The following ZNF529 variants were observed in gnomAD, a reference collection of about 807,000 sequenced individuals.
ZNF529 encodes the protein zinc finger protein 529.
A neutral mutation model predicts 10.1 loss-of-function variants in ZNF529; 11 were observed. The ratio of observed to expected loss-of-function variants is 1.09; its 90% CI spans 0.69 to 1.81. The LOEUF (loss-of-function observed/expected upper bound fraction) is 1.81, where lower values mean the gene tolerates loss of function less well. Ranked by LOEUF, ZNF529 falls within the 40% of genes most tolerant of loss-of-function variation. The probability of loss-of-function intolerance (pLI) is 0.00; values close to 1 mark genes in which losing one functional copy is unlikely to be tolerated. For missense variants in ZNF529, 624 were observed against 666.8 expected (o/e 0.94, Z 0.71); for synonymous variants, 204 against 215.7 (o/e 0.95, Z 0.47).
At chr19:36,575,423 C>T (rs2036291508), upstream of ZNF529, among the ~76,000 whole-genome samples, 1 of 152,140 alleles carries the variant, frequency 6.6e-6, no homozygotes, top group Non-Finnish European at 1.5e-5. Context: ...TTCATCCCTA[C>T]CACTTTGAAT....
At chr19:36,580,712 T>C (rs1008776062) in intron 2 of ZNF529, 1 of 152,200 alleles carries the variant, frequency 6.6e-6, no homozygotes, top group African/African-American at 2.4e-5. Context: ...TCTCAGTAAT[T>C]GATAGCACTT....
At chr19:36,591,535 T>C (rs1160019216) in intron 1 of ZNF529, among the ~76,000 whole-genome samples, 4 of 150,934 alleles carry the variant, frequency 2.7e-5, no homozygotes, top group Admixed American at 1.3e-4. Flanking sequence ...CTGGCTAACA[T>C]GGTGAAACCC....
At position 36,547,709 on chromosome 19, in the gene ZNF529, T is replaced by C. The variant is rs369070774; in HGVS notation, c.849A>G (p.Glu283=). 2.0e-5 allele frequency: 33 copies of C among 1,613,814 alleles called. No individual in the cohort carries two copies. The highest frequency in any genetic ancestry group is 2.7e-5 in the Non-Finnish European group (32 of 1,179,854). The change falls in exon 5 of 5, where the codon GAA becomes GAG. Residue 283 remains glutamate (E), a synonymous_variant. Transcript: ENST00000591340. Reference sequence around the variant, plus strand: ...TAAAGGATTTCCCACAGAATGAGCATTCAAAGTGTTTCTCACCATCATGAA... The same window carrying C: ...TAAAGGATTTCCCACAGAATGAGCACTCAAAGTGTTTCTCACCATCATGAA... The part of the protein sequence containing the change: ...QRVHDGEKHF[E]CSFCGKSFRV...
At chr19:36,554,588 C>G in intron 4 of ZNF529, 82 bp downstream of exon 4, 1 of 1,255,448 alleles carries the variant, frequency 8.0e-7, no homozygotes, top group South Asian at 2.2e-5. Flanking sequence ...ATAAACAAAA[C>G]AAAACATAGC....
chr19:36,586,536 T>C (rs1286317386), intron 2 of ZNF529, among the ~76,000 whole-genome samples: 1 of 151,450 alleles, frequency 6.6e-6, no homozygotes, highest in Non-Finnish European at 1.5e-5. Flanking sequence ...AGCCAGGAGA[T>C]GGAGGCTGCA....
chr19:36,596,969 G>C (rs1237782632), intron 1 of ZNF529, among the ~76,000 whole-genome samples: 1 of 152,034 alleles, frequency 6.6e-6, no homozygotes, highest in African/African-American at 2.4e-5. Context: ...GACTTCACAG[G>C]CTCAAGTGAT....
chr19:36,588,945 T>C (rs1483652166), intron 2 of ZNF529, among the ~76,000 whole-genome samples: 5 of 139,076 alleles, frequency 3.6e-5, no homozygotes, highest in African/African-American at 1.3e-4. Context: ...ACCCCATCTT[T>C]TTTTTTTTTT....
chr19:36,552,214 AG>A (rs2035288801), intron 4 of ZNF529, among the ~76,000 whole-genome samples: 1 of 152,104 alleles, frequency 6.6e-6, no homozygotes, highest in South Asian at 2.1e-4. Context: ...GCAGATCACG[AG>A]GTCAGGAGAT....
chr19:36,585,197 T>G (rs1470351234), intron 2 of ZNF529, among the ~76,000 whole-genome samples: 1 of 152,170 alleles, frequency 6.6e-6, no homozygotes, highest in Non-Finnish European at 1.5e-5. Flanking sequence ...AGGAAAGAAT[T>G]AAAGACTCAG....
chr19:36,597,980 C>A (rs541165591), intron 1 of ZNF529, among the ~76,000 whole-genome samples: 1 of 152,242 alleles, frequency 6.6e-6, no homozygotes, highest in East Asian at 1.9e-4. Flanking sequence ...AATCTGTTCA[C>A]CCACCAAAAG....
rs1215663215 is a variant in ZNF529 at position 36,573,248 on chromosome 19, C to G, written c.-155G>C. ...CCTCACCGCGAGCTCCTCCCGCAGC[C>G]CGGCCCGGGTCACCTCGACTCGCCA... On this transcript the variant is annotated 5_prime_UTR_variant, in exon 1 of 5. Coordinates refer to ENST00000591340, the MANE Select transcript of ZNF529 (RefSeq NM_020951.5). 3.2e-6 allele frequency: 1 copy of G among 310,250 alleles called. No homozygotes were observed. The highest frequency in any genetic ancestry group is 8.5e-5 in the East Asian group (1 of 11,746). 19.2% of individuals were successfully genotyped at this position (310,250 alleles called of 1,614,324 possible).
chr19:36,562,371 T>C (rs1250021091), intron 2 of ZNF529, among the ~76,000 whole-genome samples: 2 of 152,176 alleles, frequency 1.3e-5, no homozygotes. Context: ...GACTCTGCCC[T>C]TTAAGTTGAC....
intron 1 of ZNF529, among the ~76,000 whole-genome samples, chr19:36,600,327 A>G (rs2036903659): frequency 6.6e-6 from 1 of 152,186 alleles, no homozygotes; most frequent in Non-Finnish European, 1.5e-5. Flanking sequence ...TGGTTTTATC[A>G]TTGCCTTTCT....
intron 2 of ZNF529, among the ~76,000 whole-genome samples, chr19:36,588,743 G>A (rs2036637055): frequency 6.6e-6 from 1 of 152,160 alleles, no homozygotes; most frequent in Non-Finnish European, 1.5e-5. Flanking sequence ...GGGGAGAGAA[G>A]AGAAACTTTC....
At chr19:36,588,735 GGA>G (rs2145264864) in intron 2 of ZNF529, among the ~76,000 whole-genome samples, 1 of 152,234 alleles carries the variant, frequency 6.6e-6, no homozygotes, top group African/African-American at 2.4e-5. Flanking sequence ...CAAGAAGTGG[GGA>G]GAGAAGAGAA....
At chr19:36,604,884 C>G (rs1331206883) in intron 1 of ZNF529, 1 of 151,630 alleles carries the variant, frequency 6.6e-6, no homozygotes, top group Admixed American at 6.8e-5. Flanking sequence ...GCACACACAC[C>G]CCCTGCTGTG....
intron 2 of ZNF529, among the ~76,000 whole-genome samples, chr19:36,560,089 T>C (rs1005263775): frequency 4.6e-5 from 7 of 151,902 alleles, no homozygotes; most frequent in Non-Finnish European, 7.4e-5. Context: ...AAAAACCTGG[T>C]CTCTACTGAA....
In ZNF529 at chr19:36,547,916, A is replaced by C; in HGVS notation, c.642T>G (p.Ser214Arg). ...CWKTFGIDNS[S>R]MLQLNIHTGV... Reference sequence around the variant, plus strand: ...CAGTATGAATATTCAGTTGTAACATACTGGAGTTATCTATCCCAAAGGTTT... The same window carrying C: ...CAGTATGAATATTCAGTTGTAACATCCTGGAGTTATCTATCCCAAAGGTTT... The change falls in exon 5 of 5, where the codon AGT (serine) becomes AGG (arginine). Residue 214 changes from serine to arginine, a missense_variant. Physicochemically the swap from Ser to Arg is moderately radical, Grantham distance 110. Transcript: ENST00000591340. The C allele has an allele frequency of 6.2e-7, 1 of 1,612,956 alleles. No individual in the cohort carries two copies. Among genetic ancestry groups the C allele is most frequent in the Non-Finnish European group, 8.5e-7 (1 of 1,179,446 alleles).
At chr19:36,560,257 C>CAAAAAAA (rs58196878) in intron 2 of ZNF529, among the ~76,000 whole-genome samples, 1 of 104,382 alleles carries the variant, frequency 9.6e-6, no homozygotes, top group Non-Finnish European at 1.9e-5. Context: ...AACTCCGTCT[C>CAAAAAAA]AAAAAAAAAA....
Sources: allele counts gnomAD v4.1 joint callset (sites outside exome capture counted in the v4.1 genomes callset), GRCh38; gene constraint gnomAD v4.1.1; transcripts MANE v1.5; gene names NCBI Gene and HGNC (gene_info 2026-07-23, HGNC 2026-07-21).